FANCA: variants seen among roughly 807,000 people sequenced by gnomAD.
FANCA encodes the protein Fanconi anemia group A protein.
Under a neutral mutation model 194.3 loss-of-function variants are expected in FANCA, and 236 were observed. The observed-to-expected ratio is 1.21, with a 90% CI of 1.09 to 1.35. The LOEUF is 1.35. Ranked by LOEUF, FANCA falls within the 40% of genes most tolerant of loss-of-function variation. The pLI is 0.00. For synonymous variants in FANCA, 1,014 were observed against 715.8 expected, an observed-to-expected ratio of 1.42 and a Z score of -6.65; for missense variants, 2,628 against 1,813.9, an observed-to-expected ratio of 1.45 and a Z score of -8.15.
At chr16:89,783,355 C>T (rs563161632) in intron 15 of FANCA, among the ~76,000 whole-genome samples, 1 of 152,002 alleles carries the variant, frequency 6.6e-6, no homozygotes, top group Admixed American at 6.6e-5. Context: ...TGGAGACCAT[C>T]CTGGCTAACA....
At chr16:89,784,082 C>A (rs2039814085) in intron 15 of FANCA, among the ~76,000 whole-genome samples, 1 of 152,038 alleles carries the variant, frequency 6.6e-6, no homozygotes, top group African/African-American at 2.4e-5. Flanking sequence ...AGATGAGGGT[C>A]AGGCTGGGCA....
At chr16:89,756,357 A>C (rs992283282) in intron 30 of FANCA, among the ~76,000 whole-genome samples, 2 of 152,226 alleles carry the variant, frequency 1.3e-5, no homozygotes, top group African/African-American at 4.8e-5. Context: ...CAGGCCTGGC[A>C]GAGGTTCACG....
rs777318953 is a variant in FANCA at position 89,758,695 on chromosome 16, G to C, written c.2863C>G (p.His955Asp). The change falls in exon 30 of 43, where the codon CAC becomes GAC. Residue 955 changes from histidine (H) to aspartate (D), a missense_variant. Coordinates refer to ENST00000389301, the MANE Select transcript of FANCA (RefSeq NM_000135.4). ...ALSDTERQDFHQWAIHEHFLP... is the reference protein window; with the variant it reads ...ALSDTERQDFDQWAIHEHFLP... ...AAGTGCTCATGGATCGCCCACTGGT[G>C]GAAGTCCTGCCTAGAACAGCAAACA... is the stretch of plus-strand genomic sequence containing the variant. The C allele has an allele frequency of 6.2e-7, 1 of 1,613,788 alleles. No homozygotes were observed. The highest frequency in any genetic ancestry group is 8.5e-7 in the Non-Finnish European group (1 of 1,179,774).
chr16:89,742,845 T>C lies in FANCA; in HGVS notation c.3720A>G (p.Glu1240=), dbSNP rs2062170339. 8.1e-6 allele frequency: 13 copies of C among 1,614,074 alleles called. No homozygotes were observed. Among genetic ancestry groups the C allele is most frequent in the Non-Finnish European group, 1.1e-5 (13 of 1,180,032 alleles). Residue 1240 remains glutamate (E), a synonymous_variant, in exon 37 of 43, where the codon GAA becomes GAG. Transcript: ENST00000389301. ...GCTTCTTTAGCTGCTTCCTGATGTT[T>C]TCTTCCCTGACTTGTTGAATCGCAA... ...LHFAIQQVRE[E]NIRKQLKKLD...
intron 14 of FANCA, among the ~76,000 whole-genome samples, chr16:89,788,624 T>C (rs546855123): frequency 2.6e-4 from 39 of 152,136 alleles, no homozygotes; most frequent in African/African-American, 8.9e-4. Flanking sequence ...CGGTATGACA[T>C]TGTATTTACA....
chr16:89,758,737 GA>G (rs2038846202), intron 29 of FANCA, 32 bp from the exon 30 acceptor site: 3 of 1,611,294 alleles, frequency 1.9e-6, no homozygotes. Flanking sequence ...TCAATTCTGA[GA>G]AATGCTTCGT....
chr16:89,753,017 C>T (rs2038650331), intron 30 of FANCA, among the ~76,000 whole-genome samples: 1 of 152,236 alleles, frequency 6.6e-6, no homozygotes, highest in Non-Finnish European at 1.5e-5. Flanking sequence ...CTTCAGTGGT[C>T]ATGCTCCTAG....
intron 33 of FANCA, among the ~76,000 whole-genome samples, chr16:89,747,634 G>C (rs2038436324): frequency 6.6e-6 from 1 of 152,150 alleles, no homozygotes; most frequent in South Asian, 2.1e-4. Context: ...GGGAGGCGGA[G>C]GTTGCAGGGT....
At position 89,746,857 on chromosome 16, in the gene FANCA, G is replaced by C. The variant is rs1439817346; in HGVS notation, c.3382C>G (p.Gln1128Glu). ...CTGAAGAAGTGGGCAGTGATGTCCT[G>C]TGTCAGGGCACCTCCGTGGGAGCAG... The part of the protein sequence containing the change: ...NFCSHGGALT[Q>E]DITAHFFRGL... The change falls in exon 34 of 43, where the codon CAG becomes GAG. Residue 1128 changes from glutamine to glutamate, a missense_variant. Gln to Glu is a conservative substitution (Grantham distance 29). Transcript: ENST00000389301. The C allele has an allele frequency of 4.5e-6, 7 of 1,562,520 alleles. No individual in the cohort carries two copies. The highest frequency in any genetic ancestry group is 2.7e-5 in the African/African-American group (2 of 73,426).
At chr16:89,761,912 A>T in intron 29 of FANCA, 37 bp downstream of exon 29, 1 of 1,550,448 alleles carries the variant, frequency 6.4e-7, no homozygotes. Context: ...GGTGTGAGCC[A>T]TCATGCCTGG....
intron 14 of FANCA, among the ~76,000 whole-genome samples, chr16:89,789,563 G>A (rs971121455): frequency 6.6e-6 from 1 of 150,648 alleles, no homozygotes; most frequent in Non-Finnish European, 1.5e-5. Context: ...GCCTCAGCCG[G>A]TAAGTAGCCA....
At chr16:89,775,982 T>C (rs1029198763) in intron 20 of FANCA, among the ~76,000 whole-genome samples, 167 bp from the exon 21 acceptor site, 1 of 151,580 alleles carries the variant, frequency 6.6e-6, no homozygotes, top group Non-Finnish European at 1.5e-5. Context: ...AAAATATATA[T>C]AGATTTAAAA....
At chr16:89,744,325 C>T (rs1249124103) in intron 36 of FANCA, among the ~76,000 whole-genome samples, 1 of 152,218 alleles carries the variant, frequency 6.6e-6, no homozygotes, top group Non-Finnish European at 1.5e-5. Flanking sequence ...GCAGTGCCCT[C>T]TGACGACCCC....
In FANCA at chr16:89,784,892, A is replaced by T. The variant is rs2039845815; in HGVS notation, c.1432T>A (p.Ser478Thr). The change falls in exon 15 of 43, where the codon TCA becomes ACA. Residue 478 changes from serine (S) to threonine (T), a missense_variant. Physicochemically the swap from Ser to Thr is moderately conservative, Grantham distance 58. Coordinates refer to ENST00000389301, the MANE Select transcript of FANCA (RefSeq NM_000135.4). ...GGAGACTCAAAAGGCACGAGTTCTG[A>T]CAAGAACGTAAACAGGAAGACCAGG... is the stretch of plus-strand genomic sequence containing the variant. ...KALVFLFTFL[S>T]ELVPFESPRY... 1 of 1,614,076 alleles carries T rather than the reference A, an allele frequency of 6.2e-7. No homozygotes were observed. The highest frequency in any genetic ancestry group is 1.3e-5 in the African/African-American group (1 of 74,926).
At chr16:89,799,689 G>C in intron 8 of FANCA, 51 bp from the exon 9 acceptor site, 1 of 1,420,698 alleles carries the variant, frequency 7.0e-7, no homozygotes, top group Non-Finnish European at 9.9e-7. Flanking sequence ...TGTAATTTGT[G>C]TGATACCTGC....
chr16:89,764,714 A>T, intron 28 of FANCA, 176 bp downstream of exon 28: 1 of 778,202 alleles, frequency 1.3e-6, no homozygotes, highest in Non-Finnish European at 2.3e-6. Context: ...CAGTCGGCAC[A>T]CGCACCCTAG....
chr16:89,783,681 T>G (rs2039800107), intron 15 of FANCA, among the ~76,000 whole-genome samples: 1 of 152,154 alleles, frequency 6.6e-6, no homozygotes, highest in South Asian at 2.1e-4. Flanking sequence ...TGTGCAATCC[T>G]AGCAGCGGCA....
chr16:89,807,294 T>C (rs563316989), intron 6 of FANCA, among the ~76,000 whole-genome samples: 49 of 150,456 alleles, frequency 3.3e-4, no homozygotes, highest in Admixed American at 7.3e-4. Context: ...CCATCTCTAC[T>C]AAACATACAA....
intron 20 of FANCA, among the ~76,000 whole-genome samples, chr16:89,776,144 C>T (rs898955064): frequency 2.7e-5 from 4 of 146,708 alleles, no homozygotes; most frequent in African/African-American, 5.0e-5. Flanking sequence ...ATTCAAAACA[C>T]GAATCTTTGT....
Sources: gnomAD v4.1 joint callset for allele counts (sites outside exome capture counted in the v4.1 genomes callset) on GRCh38, gnomAD v4.1.1 for gene constraint, MANE v1.5 for transcripts, NCBI Gene and HGNC (gene_info 2026-07-23, HGNC 2026-07-21) for gene names.